The following DISP3 variants were observed in gnomAD, a reference collection of about 807,000 sequenced individuals.
DISP3 encodes the protein protein dispatched homolog 3.
Under a neutral mutation model 135.3 loss-of-function variants are expected in DISP3, and 101 were observed. The ratio of observed to expected loss-of-function variants is 0.75; its 90% CI spans 0.64 to 0.88. The LOEUF is 0.88. Ranked by LOEUF, DISP3 falls within the 40% of genes least tolerant of loss-of-function variation. The pLI, the probability that DISP3 is intolerant of heterozygous loss-of-function variation, is 0.00. For missense variants in DISP3, 1,713 were observed against 1,878.6 expected (o/e 0.91, Z 1.63); for synonymous variants, 856 against 817.0 (o/e 1.05, Z -0.81).
chr1:11,503,577 A>C (rs1641615630), intron 3 of DISP3, among the ~76,000 whole-genome samples: 2 of 152,026 alleles, frequency 1.3e-5, no homozygotes, highest in Non-Finnish European at 1.5e-5. Flanking sequence ...CCAGGGGGGA[A>C]AGAGAGAGAG....
At chr1:11,530,650 A>G (rs1642552703) in intron 15 of DISP3, among the ~76,000 whole-genome samples, 1 of 151,650 alleles carries the variant, frequency 6.6e-6, no homozygotes, top group Non-Finnish European at 1.5e-5. Context: ...TCCAGGTGAG[A>G]AGGTGGTGAG....
chr1:11,515,305 C>G, intron 4 of DISP3, 64 bp from the exon 5 acceptor site: 1 of 1,587,796 alleles, frequency 6.3e-7, no homozygotes, highest in South Asian at 1.1e-5. Context: ...GTCAGGGACT[C>G]TAGTGGGGTT....
At chr1:11,492,347 C>A (rs1417571983) in intron 1 of DISP3, among the ~76,000 whole-genome samples, 1 of 152,090 alleles carries the variant, frequency 6.6e-6, no homozygotes, top group African/African-American at 2.4e-5. Context: ...GGGACGTTTC[C>A]TCAGGTGATA....
chr1:11,527,631 G>A (rs1480852736), intron 13 of DISP3, among the ~76,000 whole-genome samples: 1 of 152,080 alleles, frequency 6.6e-6, no homozygotes, highest in Non-Finnish European at 1.5e-5. Flanking sequence ...GCTGGGGAGT[G>A]GAGAACATTG....
chr1:11,487,393 G>T (rs55761357), intron 1 of DISP3, among the ~76,000 whole-genome samples: 1,889 of 152,286 alleles, frequency 0.012, 33 homozygotes, highest in African/African-American at 0.042. Context: ...TGGGGTAATG[G>T]GGCGGCTGCC....
intron 1 of DISP3, among the ~76,000 whole-genome samples, chr1:11,492,531 C>A (rs1641218397): frequency 6.6e-6 from 1 of 152,190 alleles, no homozygotes; most frequent in South Asian, 2.1e-4. Context: ...ACAGGCTCGC[C>A]ACAGAGCCCC....
chr1:11,534,674 G>A (rs1254793600), intron 18 of DISP3, 134 bp downstream of exon 18: 6 of 1,218,572 alleles, frequency 4.9e-6, no homozygotes, highest in African/African-American at 3.1e-5. Context: ...TGGCACGGTG[G>A]CTGGGACATT....
Position 11,514,438 on chromosome 1 carries a change from G to T in DISP3, c.1365G>T (p.Val455=). Residue 455 remains valine (V), a synonymous_variant, in exon 4 of 21, where the codon GTG becomes GTT. Coordinates refer to ENST00000294484, the MANE Select transcript of DISP3 (RefSeq NM_020780.2). ...YGGTDLFDYE[V]RRTFNNDMLL... Reference sequence around the variant, plus strand: ...GGACAGACCTGTTTGACTATGAAGTGCGCAGGACGTTCAACAATGACATGC... The same window carrying T: ...GGACAGACCTGTTTGACTATGAAGTTCGCAGGACGTTCAACAATGACATGC... 1 of 1,613,644 alleles carries T rather than the reference G, an allele frequency of 6.2e-7. No homozygotes were observed. Among genetic ancestry groups the T allele is most frequent in the Non-Finnish European group, 8.5e-7 (1 of 1,179,478 alleles).
chr1:11,533,058 A>G (rs1175226761), intron 17 of DISP3, among the ~76,000 whole-genome samples: 1 of 151,846 alleles, frequency 6.6e-6, no homozygotes, highest in Non-Finnish European at 1.5e-5. Flanking sequence ...TCACACTGTT[A>G]TGCAACCATT....
chr1:11,487,873 C>T (rs1641081382), intron 1 of DISP3, among the ~76,000 whole-genome samples: 2 of 152,198 alleles, frequency 1.3e-5, no homozygotes, highest in African/African-American at 4.8e-5. Context: ...GACCCTATAA[C>T]ACTTTTGACC....
Position 11,531,794 on chromosome 1 carries a change from C to CCG in DISP3, c.3375+84_3375+85insCG, listed in dbSNP as rs796780054. Reference sequence around the variant, plus strand: ...TCTGATCCCAGCCCTCTTCCCAGATCGGGGGGGAGATGCTGAGGCCCAGAG... The same window carrying CCG: ...TCTGATCCCAGCCCTCTTCCCAGATCCGGGGGGGGAGATGCTGAGGCCCAGAG... On this transcript the variant is annotated intron_variant, in intron 17 of 20. Coordinates refer to ENST00000294484, the MANE Select transcript of DISP3 (RefSeq NM_020780.2). The surrounding 1 kb of genome is among the most constrained non-coding windows in gnomAD (Gnocchi z 5.2). The CCG allele has an allele frequency of 5.4e-6, 8 of 1,495,072 alleles. No individual in the cohort carries two copies. Among genetic ancestry groups the CCG allele is most frequent in the Non-Finnish European group, 4.4e-6 (5 of 1,125,308 alleles). The allele number at this position is 1,495,072 out of a possible 1,614,324, so 92.6% of individuals were successfully genotyped here. A position where few individuals can be genotyped will look rare whatever the true frequency, so the allele number is the denominator to read the frequency against.
Position 11,520,564 on chromosome 1 carries a change from C to T in DISP3, c.2201-123C>T. On this transcript the variant is annotated intron_variant, in intron 9 of 20. Transcript: ENST00000294484. This position sits in a 1 kb window ranked among gnomAD's most constrained non-coding sequence, Gnocchi z 4.8. ...CACGGGCTGGCATGCAGGGCCTTCC[C>T]CCGCACCCTTAGGACACCCGCCCCC... 3 of 1,115,956 alleles carry T rather than the reference C, an allele frequency of 2.7e-6. No homozygotes were observed. The highest frequency in any genetic ancestry group is 3.8e-6 in the Non-Finnish European group (3 of 787,546). The allele number at this position is 1,115,956 out of a possible 1,614,324, so 69.1% of individuals were successfully genotyped here. A position where few individuals can be genotyped will look rare whatever the true frequency, so the allele number is the denominator to read the frequency against.
chr1:11,517,636 T>C, intron 7 of DISP3, 34 bp downstream of exon 7: 1 of 1,608,598 alleles, frequency 6.2e-7, no homozygotes, highest in Non-Finnish European at 8.5e-7. Flanking sequence ...CACAGCAGGG[T>C]ATCCACAACA....
chr1:11,526,005 G>T (rs1412812761), intron 12 of DISP3, among the ~76,000 whole-genome samples: 1 of 152,096 alleles, frequency 6.6e-6, no homozygotes, highest in Non-Finnish European at 1.5e-5. Context: ...TAGAGACAGG[G>T]TCTCTCTGTG....
At chr1:11,533,757 A>G (rs1183418905) in intron 17 of DISP3, 1 of 717,754 alleles carries the variant, frequency 1.4e-6, no homozygotes. Flanking sequence ...ACGCAGACCT[A>G]CTATGAACTG....
chr1:11,531,291 G>T lies in DISP3; in HGVS notation c.3229+258G>T, dbSNP rs1025644452. On this transcript the variant is annotated intron_variant, in intron 16 of 20. Transcript: ENST00000294484. This position sits in a 1 kb window ranked among gnomAD's most constrained non-coding sequence, Gnocchi z 5.2. ...ATGTGTGTGGGATGGGGGCACATCT[G>T]CGGGAGTAGCTTTTCCAAAATTAGG... Among the ~76,000 whole-genome samples the T allele has an allele frequency of 1.2e-4, 19 of 152,284 alleles. No homozygotes were observed. Among genetic ancestry groups the T allele is most frequent in the African/African-American group, 4.6e-4 (19 of 41,542 alleles).
At chr1:11,524,101 G>A (rs779289252) in intron 11 of DISP3, 46 bp downstream of exon 11, 3 of 1,418,618 alleles carry the variant, frequency 2.1e-6, no homozygotes, top group Non-Finnish European at 3.0e-6. Context: ...CTGGTGCTAG[G>A]GTTGAAGGCC....
In DISP3 at chr1:11,520,955, A is replaced by G; in HGVS notation, c.2362+107A>G. 1 of 1,297,880 alleles carries G rather than the reference A, an allele frequency of 7.7e-7. No individual in the cohort carries two copies. The highest frequency in any genetic ancestry group is 1.5e-5 in the South Asian group (1 of 65,094). 80.4% of individuals were successfully genotyped at this position (1,297,880 alleles called of 1,614,324 possible). On this transcript the variant is annotated intron_variant, in intron 10 of 20. Coordinates refer to ENST00000294484, the MANE Select transcript of DISP3 (RefSeq NM_020780.2). This position sits in a 1 kb window ranked among gnomAD's most constrained non-coding sequence, Gnocchi z 4.8. ...AGGGTCCCCATCAATGCCAGACCTC[A>G]GGCAAATCCCACTCCCCTCTGAGCC...
chr1:11,529,428 C>T lies in DISP3; in HGVS notation c.2799-128C>T. 2 of 1,149,998 alleles carry T rather than the reference C, an allele frequency of 1.7e-6. No homozygotes were observed. Among genetic ancestry groups the T allele is most frequent in the East Asian group, 4.9e-5 (2 of 40,930 alleles). 71.2% of individuals were successfully genotyped at this position (1,149,998 alleles called of 1,614,324 possible). On this transcript the variant is annotated intron_variant, in intron 13 of 20. Coordinates refer to ENST00000294484, the MANE Select transcript of DISP3 (RefSeq NM_020780.2). This position sits in a 1 kb window ranked among gnomAD's most constrained non-coding sequence, Gnocchi z 4.7. ...CTCAACCTGAGAACAAATCCCCATG[C>T]CGGGGCAGAGCCCGAGTCCAGACCC...
Sources: gnomAD v4.1 joint callset for allele counts (sites outside exome capture counted in the v4.1 genomes callset) on GRCh38, gnomAD v4.1.1 for gene constraint, Gnocchi (gnomAD v3.1) non-coding constraint, MANE v1.5 for transcripts, NCBI Gene and HGNC (gene_info 2026-07-23, HGNC 2026-07-21) for gene names.